DOK6: variants seen among roughly 807,000 people sequenced by gnomAD.
DOK6 encodes the protein downstream of tyrosine kinase 6.
A neutral mutation model predicts 44.0 loss-of-function variants in DOK6; 22 were observed. The ratio of observed to expected loss-of-function variants is 0.50; its 90% CI spans 0.36 to 0.71. The LOEUF is 0.71. Ranked by LOEUF, DOK6 falls within the 30% of genes least tolerant of loss-of-function variation. The probability of loss-of-function intolerance (pLI) is 0.00; values close to 1 mark genes in which losing one functional copy is unlikely to be tolerated. For missense variants in DOK6, 340 were observed against 416.4 expected, an observed-to-expected ratio of 0.82 and a Z score of 1.60; for synonymous variants, 166 against 145.5, an observed-to-expected ratio of 1.14 and a Z score of -1.01.
chr18:69,701,880 T>C (rs1450501335), intron 5 of DOK6, among the ~76,000 whole-genome samples: 1 of 152,204 alleles, frequency 6.6e-6, no homozygotes, highest in Non-Finnish European at 1.5e-5. Flanking sequence ...TAGGCTTAAT[T>C]TATTCCTAAA....
intron 2 of DOK6, among the ~76,000 whole-genome samples, chr18:69,567,290 G>T (rs1312166276): frequency 6.6e-6 from 1 of 152,000 alleles, no homozygotes; most frequent in Admixed American, 6.5e-5. Context: ...ATAAAACAAT[G>T]TAAATATGTA....
intron 5 of DOK6, among the ~76,000 whole-genome samples, chr18:69,712,181 T>C (rs1271596634): frequency 2.8e-5 from 4 of 144,726 alleles, no homozygotes; most frequent in Middle Eastern, 3.3e-3. Context: ...CTTGGGAGGC[T>C]GAGGCAGGAG....
chr18:69,434,804 C>T lies in DOK6; in HGVS notation c.66+33494C>T, dbSNP rs558751371. Among the ~76,000 whole-genome samples, 104 of 151,992 alleles carry T rather than the reference C, an allele frequency of 6.8e-4. 2 individuals carry two copies. The South Asian group carries it at 0.021, about 31-fold the overall frequency. ...AGGCACTGTGGCACCCGCCTGTAATCCCAGCTACTTGGGAGGCTGAGGCAG... is the reference window on the plus strand; with the variant it reads ...AGGCACTGTGGCACCCGCCTGTAATTCCAGCTACTTGGGAGGCTGAGGCAG... On this transcript the variant is annotated intron_variant, in intron 1 of 7. Transcript: ENST00000382713.
intron 2 of DOK6, among the ~76,000 whole-genome samples, chr18:69,581,843 C>T (rs972026884): frequency 1.3e-5 from 2 of 152,188 alleles, no homozygotes; most frequent in African/African-American, 4.8e-5. Context: ...ATAATGCCCC[C>T]TTATTCTTTT....
At chr18:69,668,684 C>T (rs144141147) in intron 3 of DOK6, among the ~76,000 whole-genome samples, 72 of 152,128 alleles carry the variant, frequency 4.7e-4, no homozygotes, top group African/African-American at 1.7e-3. Context: ...TTTGTGATAT[C>T]GGGATGATGT....
chr18:69,527,878 C>T (rs942436330), intron 1 of DOK6, among the ~76,000 whole-genome samples: 8 of 152,082 alleles, frequency 5.3e-5, no homozygotes, highest in Non-Finnish European at 1.2e-4. Context: ...AAATGCTTCA[C>T]CTGGCCGGGT....
intron 4 of DOK6, among the ~76,000 whole-genome samples, chr18:69,691,814 G>GA (rs1393324360): frequency 2.0e-5 from 3 of 152,144 alleles, no homozygotes; most frequent in Non-Finnish European, 4.4e-5. Context: ...GTGGAATGCA[G>GA]AAAATAGAAG....
intron 7 of DOK6, among the ~76,000 whole-genome samples, chr18:69,795,379 T>C (rs1980714877): frequency 6.6e-6 from 1 of 152,170 alleles, no homozygotes; most frequent in Non-Finnish European, 1.5e-5. Context: ...GGCATAGAAA[T>C]CTTTCAGTCT....
chr18:69,475,774 A>T (rs1404060868), intron 1 of DOK6, among the ~76,000 whole-genome samples: 3 of 152,220 alleles, frequency 2.0e-5, no homozygotes, highest in Non-Finnish European at 2.9e-5. Context: ...TGCTTTCACT[A>T]GAAAAAAAAA....
At chr18:69,607,711 T>C (rs1213052273) in intron 3 of DOK6, among the ~76,000 whole-genome samples, 2 of 152,008 alleles carry the variant, frequency 1.3e-5, no homozygotes, top group African/African-American at 4.8e-5. Flanking sequence ...TCAAAGAAAA[T>C]TTGGAAAACT....
At chr18:69,498,853 C>T (rs773483758) in intron 1 of DOK6, among the ~76,000 whole-genome samples, 5 of 152,062 alleles carry the variant, frequency 3.3e-5, no homozygotes, top group Non-Finnish European at 7.4e-5. Context: ...ACGTGTGTTG[C>T]CTGCCTGAAA....
At chr18:69,458,726 T>A (rs1456857185) in intron 1 of DOK6, among the ~76,000 whole-genome samples, 1 of 151,922 alleles carries the variant, frequency 6.6e-6, no homozygotes, top group Non-Finnish European at 1.5e-5. Flanking sequence ...TCAGTAGCAT[T>A]TCTATACACC....
At chr18:69,742,269 C>G (rs992733430) in intron 6 of DOK6, among the ~76,000 whole-genome samples, 1 of 151,916 alleles carries the variant, frequency 6.6e-6, no homozygotes. Context: ...ACAAAATTAG[C>G]CAGGCATGGT....
At chr18:69,716,288 A>T (rs151103179) in intron 5 of DOK6, among the ~76,000 whole-genome samples, 3 of 152,364 alleles carry the variant, frequency 2.0e-5, no homozygotes, top group African/African-American at 7.2e-5. Context: ...GTTATTCTGT[A>T]AAGCCATACT....
chr18:69,612,188 T>C (rs1984157973), intron 3 of DOK6, among the ~76,000 whole-genome samples: 1 of 146,442 alleles, frequency 6.8e-6, no homozygotes, highest in South Asian at 2.3e-4. Flanking sequence ...GTCTGTGATC[T>C]TAAGGTTGTC....
chr18:69,443,575 A>C (rs1481668305), intron 1 of DOK6, among the ~76,000 whole-genome samples: 1 of 152,128 alleles, frequency 6.6e-6, no homozygotes, highest in Non-Finnish European at 1.5e-5. Context: ...GTTTGTTTCC[A>C]AATTCTGTTT....
chr18:69,579,062 G>A (rs1490986380), intron 2 of DOK6, among the ~76,000 whole-genome samples: 3 of 152,152 alleles, frequency 2.0e-5, no homozygotes, highest in African/African-American at 4.8e-5. Flanking sequence ...AGTTTTATTT[G>A]AGAGCAGGTC....
chr18:69,728,817 C>T (rs1216138188), intron 5 of DOK6, among the ~76,000 whole-genome samples: 3 of 152,132 alleles, frequency 2.0e-5, no homozygotes, highest in Non-Finnish European at 4.4e-5. Context: ...AGAAAGACAA[C>T]TTGAAGAGTA....
intron 3 of DOK6, among the ~76,000 whole-genome samples, chr18:69,634,756 T>C (rs759345790): frequency 6.6e-6 from 1 of 152,104 alleles, no homozygotes; most frequent in Non-Finnish European, 1.5e-5. Flanking sequence ...AACAAATAAA[T>C]AGGTAATTTC....
Sources: allele counts gnomAD v4.1 joint callset (sites outside exome capture counted in the v4.1 genomes callset), GRCh38; gene constraint gnomAD v4.1.1; transcripts MANE v1.5; gene names NCBI Gene and HGNC (gene_info 2026-07-23, HGNC 2026-07-21).